The following ARID4B variants were observed in gnomAD, a reference collection of about 807,000 sequenced individuals.
The protein encoded by ARID4B is AT-rich interactive domain-containing protein 4B.
Under a neutral mutation model 147.5 loss-of-function variants are expected in ARID4B, and 26 were observed. The ratio of observed to expected loss-of-function variants is 0.18; its 90% CI spans 0.13 to 0.24. The LOEUF (loss-of-function observed/expected upper bound fraction) is 0.24, where lower values mean the gene tolerates loss of function less well. Ranked by LOEUF, ARID4B falls within the 10% of genes least tolerant of loss-of-function variation. The probability of loss-of-function intolerance (pLI) is 1.00; values close to 1 mark genes in which losing one functional copy is unlikely to be tolerated. For missense variants in ARID4B, 1,179 were observed against 1,511.5 expected (o/e 0.78, Z 3.65); for synonymous variants, 512 against 507.9 (o/e 1.01, Z -0.11).
intron 19 of ARID4B, among the ~76,000 whole-genome samples, chr1:235,184,611 T>C (rs1289029332): frequency 6.6e-6 from 1 of 152,224 alleles, no homozygotes; most frequent in Non-Finnish European, 1.5e-5. Context: ...ATAACTAAGA[T>C]TGTGAAACCA....
chr1:235,285,606 A>G (rs560461799), intron 2 of ARID4B, among the ~76,000 whole-genome samples: 15 of 152,366 alleles, frequency 9.8e-5, no homozygotes, highest in Middle Eastern at 3.4e-3. Flanking sequence ...TGGAGAGCCA[A>G]TGCAATCAAG....
chr1:235,306,296 G>A (rs1572204113), intron 2 of ARID4B, among the ~76,000 whole-genome samples: 1 of 152,114 alleles, frequency 6.6e-6, no homozygotes, highest in Non-Finnish European at 1.5e-5. Flanking sequence ...AAGGTCAGAA[G>A]ATCGAGACCA....
chr1:235,320,083 T>G (rs1442565512), intron 2 of ARID4B, among the ~76,000 whole-genome samples: 3 of 147,650 alleles, frequency 2.0e-5, no homozygotes, highest in Non-Finnish European at 3.0e-5. Context: ...GCCGAGATCG[T>G]GCCATTGCAC....
chr1:235,245,735 T>C (rs1011377512), intron 7 of ARID4B, among the ~76,000 whole-genome samples: 1 of 152,232 alleles, frequency 6.6e-6, no homozygotes, highest in Non-Finnish European at 1.5e-5. Flanking sequence ...GTTGATTATC[T>C]AGTACTTATG....
intron 2 of ARID4B, among the ~76,000 whole-genome samples, chr1:235,307,942 G>A (rs1673696600): frequency 6.6e-6 from 1 of 151,560 alleles, no homozygotes; most frequent in African/African-American, 2.4e-5. Context: ...AGCTCCTCCT[G>A]TCTCAGCCTC....
rs1045391070 is a variant in ARID4B, at chr1:235,268,091, T to C, written c.7-7339A>G. Among the ~76,000 whole-genome samples, 3 of 151,942 alleles carry C rather than the reference T, an allele frequency of 2.0e-5. No homozygotes were observed. In the East Asian group the frequency reaches 5.8e-4, roughly 29 times the overall value. ...GAAGAGGAGGCCTGGGGGAACCACATGGAGGTGCAGTCCTGTGGCGGAGGA... is the reference window on the plus strand; with the variant it reads ...GAAGAGGAGGCCTGGGGGAACCACACGGAGGTGCAGTCCTGTGGCGGAGGA... On this transcript the variant is annotated intron_variant, in intron 2 of 23. Transcript: ENST00000264183.
At chr1:235,247,439 T>A (rs1351740766) in intron 6 of ARID4B, among the ~76,000 whole-genome samples, 2 of 152,236 alleles carry the variant, frequency 1.3e-5, no homozygotes, top group African/African-American at 2.4e-5. Flanking sequence ...ATGAACCATA[T>A]TAACACTTTT....
intron 9 of ARID4B, among the ~76,000 whole-genome samples, chr1:235,231,529 C>T (rs901819500): frequency 1.3e-5 from 2 of 152,148 alleles, no homozygotes; most frequent in Admixed American, 1.3e-4. Context: ...CTCTGTCATC[C>T]AGACTGGAGT....
intron 17 of ARID4B, among the ~76,000 whole-genome samples, chr1:235,212,923 A>T (rs1156239429): frequency 6.6e-6 from 1 of 152,212 alleles, no homozygotes; most frequent in Non-Finnish European, 1.5e-5. Context: ...ACACCATGAA[A>T]CCACAACTTA....
chr1:235,247,540 C>T (rs199961342), intron 6 of ARID4B, among the ~76,000 whole-genome samples: 1 of 152,072 alleles, frequency 6.6e-6, no homozygotes, highest in Non-Finnish European at 1.5e-5. Context: ...AAAAAAGGTA[C>T]TAGCCATAAA....
intron 22 of ARID4B, among the ~76,000 whole-genome samples, chr1:235,173,987 C>T (rs1281470066): frequency 6.6e-6 from 1 of 150,802 alleles, no homozygotes; most frequent in Non-Finnish European, 1.5e-5. Flanking sequence ...ATCCATTCCT[C>T]ACCCCTAACA....
intron 2 of ARID4B, among the ~76,000 whole-genome samples, chr1:235,293,126 A>G (rs924415266): frequency 2.0e-5 from 3 of 152,158 alleles, no homozygotes; most frequent in African/African-American, 7.2e-5. Flanking sequence ...TAGTAATCTC[A>G]TTTCATCTCA....
At chr1:235,326,770 C>G in intron 2 of ARID4B, 144 bp downstream of exon 2, 1 of 1,002,256 alleles carries the variant, frequency 1.0e-6, no homozygotes, top group Middle Eastern at 2.7e-4. Context: ...TGACCCCGGT[C>G]TCTCTGGGGA....
At chr1:235,220,900 G>GT (rs536507035) in intron 14 of ARID4B, among the ~76,000 whole-genome samples, 1,815 of 145,570 alleles carry the variant, frequency 0.012, 41 homozygotes, top group African/African-American at 0.039. Context: ...GTTTTTTTTT[G>GT]TTTTTTTTTG....
At chr1:235,319,411 T>C (rs544438638) in intron 2 of ARID4B, among the ~76,000 whole-genome samples, 7 of 152,080 alleles carry the variant, frequency 4.6e-5, no homozygotes, top group South Asian at 2.1e-4. Context: ...ACCTGGGAGG[T>C]TGAAGCAGGA....
At chr1:235,322,032 A>T (rs11586834) in intron 2 of ARID4B, among the ~76,000 whole-genome samples, 21,524 of 148,904 alleles carry the variant, frequency 0.14, 1,834 homozygotes, top group African/African-American at 0.24. Flanking sequence ...TCAAGAAAAA[A>T]TTTTTTTTTT....
At chr1:235,190,874 G>C (rs2102949641) in intron 19 of ARID4B, among the ~76,000 whole-genome samples, 1 of 152,314 alleles carries the variant, frequency 6.6e-6, no homozygotes, top group African/African-American at 2.4e-5. Flanking sequence ...AACAGATATA[G>C]AGGGAAACCA....
intron 2 of ARID4B, among the ~76,000 whole-genome samples, chr1:235,314,327 T>C (rs1393881735): frequency 9.9e-5 from 15 of 152,222 alleles, no homozygotes; most frequent in Admixed American, 9.8e-4. Context: ...GTGTAAAGCA[T>C]TTTAAATATG....
chr1:235,299,370 C>T (rs1398668161), intron 2 of ARID4B, among the ~76,000 whole-genome samples: 7 of 152,232 alleles, frequency 4.6e-5, no homozygotes, highest in South Asian at 2.1e-4. Context: ...CCCACCACCA[C>T]GCCCAGCTAT....
Sources: allele counts gnomAD v4.1 joint callset (sites outside exome capture counted in the v4.1 genomes callset), GRCh38; gene constraint gnomAD v4.1.1; transcripts MANE v1.5; gene names NCBI Gene and HGNC (gene_info 2026-07-23, HGNC 2026-07-21).